The following CMSS1 variants were observed in gnomAD, a reference collection of about 807,000 sequenced individuals.
CMSS1 encodes cms1 ribosomal small subunit homolog.
In CMSS1, 33 loss-of-function variants were observed where a neutral mutation model predicts 43.5. The observed-to-expected ratio is 0.76, with a 90% CI of 0.57 to 1.01. The LOEUF is 1.01. CMSS1 is among the 50% of genes least tolerant of loss of function. The probability of loss-of-function intolerance (pLI) is 0.00; values close to 1 mark genes in which losing one functional copy is unlikely to be tolerated. For missense variants in CMSS1, 313 were observed against 326.4 expected (o/e 0.96, Z 0.32); for synonymous variants, 115 against 117.2 (o/e 0.98, Z 0.12).
intron 1 of CMSS1, among the ~76,000 whole-genome samples, chr3:99,955,928 C>T (rs1255652337): frequency 6.6e-6 from 1 of 152,160 alleles, no homozygotes; most frequent in Non-Finnish European, 1.5e-5. Context: ...AGACTTCTTA[C>T]ATAGCGCTTA....
At chr3:100,163,575 C>T (rs1429536040) in intron 4 of CMSS1, among the ~76,000 whole-genome samples, 4 of 152,038 alleles carry the variant, frequency 2.6e-5, no homozygotes, top group African/African-American at 7.2e-5. Flanking sequence ...CTTGTTGTGT[C>T]GCCCAGGCTG....
chr3:99,820,299 C>T (rs1004002770), intron 1 of CMSS1, among the ~76,000 whole-genome samples: 8 of 151,618 alleles, frequency 5.3e-5, no homozygotes, highest in African/African-American at 1.7e-4. Context: ...TGGGTTCAAG[C>T]GATTCTCCTG....
intron 2 of CMSS1, among the ~76,000 whole-genome samples, chr3:100,151,958 G>A (rs1379544070): frequency 6.6e-6 from 1 of 152,164 alleles, no homozygotes; most frequent in Non-Finnish European, 1.5e-5. Flanking sequence ...AAACTAAAGA[G>A]ACAAGTTACC....
chr3:100,093,035 G>A (rs1167282791), intron 1 of CMSS1, among the ~76,000 whole-genome samples: 1 of 151,974 alleles, frequency 6.6e-6, no homozygotes, highest in East Asian at 1.9e-4. Context: ...ATACGTTGAA[G>A]GAGTAGAGGT....
chr3:100,086,505 T>C (rs1323103133), intron 1 of CMSS1, among the ~76,000 whole-genome samples: 2 of 152,200 alleles, frequency 1.3e-5, no homozygotes, highest in African/African-American at 4.8e-5. Flanking sequence ...AATACTTTTT[T>C]TACAATTTGT....
At chr3:99,876,216 C>G in intron 1 of CMSS1, 1 of 985,270 alleles carries the variant, frequency 1.0e-6, no homozygotes, top group East Asian at 1.1e-4. Flanking sequence ...CGTTACGTCA[C>G]TGTTCTGCCT....
intron 1 of CMSS1, among the ~76,000 whole-genome samples, chr3:99,895,097 G>A (rs998166328): frequency 1.3e-5 from 2 of 152,170 alleles, no homozygotes; most frequent in Non-Finnish European, 2.9e-5. Flanking sequence ...TTCGAACAGG[G>A]TGTAGGCTGG....
chr3:99,985,345 A>C (rs1709306795), intron 1 of CMSS1, among the ~76,000 whole-genome samples: 1 of 152,076 alleles, frequency 6.6e-6, no homozygotes, highest in Non-Finnish European at 1.5e-5. Flanking sequence ...CAGCCCGAAC[A>C]ACATGGCGAA....
chr3:99,891,603 C>T (rs1371542528), intron 1 of CMSS1, among the ~76,000 whole-genome samples: 1 of 151,912 alleles, frequency 6.6e-6, no homozygotes, highest in Non-Finnish European at 1.5e-5. Context: ...GTTGGTGAGA[C>T]ACTAGGTTAG....
chr3:99,933,568 T>C (rs1050358717), intron 1 of CMSS1, among the ~76,000 whole-genome samples: 10 of 152,220 alleles, frequency 6.6e-5, no homozygotes, highest in African/African-American at 2.4e-4. Context: ...TTTCTAATTA[T>C]CTTTCCCCAC....
chr3:100,147,107 C>T, intron 2 of CMSS1, 46 bp downstream of exon 2: 1 of 1,606,332 alleles, frequency 6.2e-7, no homozygotes, highest in Non-Finnish European at 8.5e-7. Context: ...ATTCTGAAAT[C>T]AGCCTTTTCC....
In CMSS1 at chr3:99,921,938, C is replaced by T. The variant is rs188348811; in HGVS notation, c.64+103895C>T. ...CTCTCTTGGTTTAAATAATCTTTGC[C>T]ATCTGCCTCCCAACATTCCAGTATA... is the stretch of plus-strand genomic sequence containing the variant. On this transcript the variant is annotated intron_variant, in intron 1 of 9. Transcript: ENST00000421999. Among the ~76,000 whole-genome samples the T allele has an allele frequency of 2.0e-5, 3 of 152,244 alleles. No individual in the cohort carries two copies. In the East Asian group the frequency reaches 5.8e-4, roughly 29 times the overall value.
intron 1 of CMSS1, among the ~76,000 whole-genome samples, chr3:99,833,587 A>C (rs1942775696): frequency 6.6e-6 from 1 of 152,256 alleles, no homozygotes; most frequent in South Asian, 2.1e-4. Context: ...AGCTGGAGTC[A>C]GGATGTTTCC....
At chr3:100,032,041 T>C (rs775082562) in intron 1 of CMSS1, among the ~76,000 whole-genome samples, 1 of 152,144 alleles carries the variant, frequency 6.6e-6, no homozygotes, top group Non-Finnish European at 1.5e-5. Context: ...AATTATGCTT[T>C]CAGATTATAT....
At chr3:99,950,693 A>G (rs1210045573) in intron 1 of CMSS1, among the ~76,000 whole-genome samples, 1 of 152,160 alleles carries the variant, frequency 6.6e-6, no homozygotes, top group Non-Finnish European at 1.5e-5. Flanking sequence ...GCAGCCCACG[A>G]TTCTCTTTAC....
chr3:100,009,980 T>C (rs1437483922), intron 1 of CMSS1, among the ~76,000 whole-genome samples: 1 of 152,236 alleles, frequency 6.6e-6, no homozygotes, highest in African/African-American at 2.4e-5. Flanking sequence ...TCTAAAGGAA[T>C]TGGTGTTTCC....
At chr3:99,827,990 G>A (rs2107479981) in intron 1 of CMSS1, among the ~76,000 whole-genome samples, 1 of 152,302 alleles carries the variant, frequency 6.6e-6, no homozygotes, top group East Asian at 1.9e-4. Flanking sequence ...GGATAAAAAT[G>A]TACTTTAGGA....
At chr3:100,143,039 G>A (rs575941153) in intron 1 of CMSS1, among the ~76,000 whole-genome samples, 2 of 152,264 alleles carry the variant, frequency 1.3e-5, no homozygotes, top group African/African-American at 4.8e-5. Context: ...GAAGTACAGA[G>A]GCAAGAGGAA....
chr3:99,830,780 G>A (rs916261494), intron 1 of CMSS1, among the ~76,000 whole-genome samples: 3 of 152,164 alleles, frequency 2.0e-5, no homozygotes, highest in African/African-American at 7.2e-5. Flanking sequence ...AAGTAATCTG[G>A]TGTGTGTTGA....
Sources: gnomAD v4.1 joint callset for allele counts (sites outside exome capture counted in the v4.1 genomes callset) on GRCh38, gnomAD v4.1.1 for gene constraint, MANE v1.5 for transcripts, NCBI Gene and HGNC (gene_info 2026-07-23, HGNC 2026-07-21) for gene names.